The following TRAF3IP3 variants were observed in gnomAD, a reference collection of about 807,000 sequenced individuals.
TRAF3IP3 encodes TRAF3-interacting JNK-activating modulator.
TRAF3IP3 carries 64 observed loss-of-function variants against 86.5 expected under a neutral mutation model. That is an observed-to-expected ratio of 0.74 (90% CI 0.60 to 0.91). The LOEUF (loss-of-function observed/expected upper bound fraction) is 0.91, where lower values mean the gene tolerates loss of function less well. Among genes scored for constraint, TRAF3IP3 ranks in the 40% least tolerant of loss-of-function variants. The probability of loss-of-function intolerance (pLI) is 0.00; values close to 1 mark genes in which losing one functional copy is unlikely to be tolerated. For synonymous variants in TRAF3IP3, 220 were observed against 243.9 expected, an observed-to-expected ratio of 0.90 and a Z score of 0.91; for missense variants, 579 against 642.9, an observed-to-expected ratio of 0.90 and a Z score of 1.07.
chr1:209,771,687 G>GTGTGTGCAGGTGGAGGTGTA (rs1243212917), intron 8 of TRAF3IP3, among the ~76,000 whole-genome samples: 1 of 148,994 alleles, frequency 6.7e-6, no homozygotes, highest in Non-Finnish European at 1.5e-5. Flanking sequence ...GTGGAGGTAC[G>GTGTGTGCAGGTGGAGGTGTA]TGTGTGCAGG....
chr1:209,777,577 C>T (rs190640676), intron 12 of TRAF3IP3, 90 bp downstream of exon 12: 2 of 1,354,286 alleles, frequency 1.5e-6, no homozygotes, highest in Non-Finnish European at 2.0e-6. Flanking sequence ...AAGGCTTCAG[C>T]CTTTTATTTG....
At position 209,756,193 on chromosome 1, in the gene TRAF3IP3, A is replaced by T. The variant is rs777209956; in HGVS notation, c.-276A>T. On this transcript the variant is annotated 5_prime_UTR_variant, in exon 1 of 17. Coordinates refer to ENST00000367025, the MANE Select transcript of TRAF3IP3 (RefSeq NM_025228.4). Reference sequence around the variant, plus strand: ...GTGTTAATGGGGCCCAGACCTATGGATTGAAAGCGTGTGCTTTACCCATCT... The same window carrying T: ...GTGTTAATGGGGCCCAGACCTATGGTTTGAAAGCGTGTGCTTTACCCATCT... 9.2e-5 allele frequency: 14 copies of T among 152,278 alleles called. No individual in the cohort carries two copies. The highest frequency in any genetic ancestry group is 3.4e-4 in the African/African-American group (14 of 41,458). The allele number at this position is 152,278 out of a possible 1,614,324, so 9.4% of individuals were successfully genotyped here.
chr1:209,756,296 C>T lies in TRAF3IP3; in HGVS notation c.-173C>T, dbSNP rs374069558. 6.6e-6 allele frequency: 1 copy of T among 152,294 alleles called. No homozygotes were observed. The highest frequency in any genetic ancestry group is 2.4e-5 in the African/African-American group (1 of 41,448). 9.4% of individuals were successfully genotyped at this position (152,294 alleles called of 1,614,324 possible). The stretch of plus-strand genomic sequence containing the variant: ...CTTTCCCGAGTGGCTTGAGTTGGAG[C>T]CTGGGACTAGGAGGTAACTGAGAAG... On this transcript the variant is annotated 5_prime_UTR_variant, in exon 1 of 17. Coordinates refer to ENST00000367025, the MANE Select transcript of TRAF3IP3 (RefSeq NM_025228.4).
chr1:209,762,035 T>G (rs939048674), intron 3 of TRAF3IP3, among the ~76,000 whole-genome samples: 1 of 70,662 alleles, frequency 1.4e-5, no homozygotes, highest in Non-Finnish European at 2.4e-5. Context: ...TGGGCTACTT[T>G]GGTTTTGTGG....
intron 14 of TRAF3IP3, chr1:209,779,797 A>G (rs1431632298): frequency 2.3e-6 from 1 of 426,000 alleles, no homozygotes; most frequent in African/African-American, 2.0e-5. Context: ...CACTGTGTAT[A>G]CAGAGGGGCA....
At chr1:209,772,025 G>A (rs892534847) in intron 8 of TRAF3IP3, among the ~76,000 whole-genome samples, 14 of 151,718 alleles carry the variant, frequency 9.2e-5, no homozygotes, top group Non-Finnish European at 1.9e-4. Context: ...GGAAGTGTAC[G>A]TGTGCATGTG....
chr1:209,772,001 G>A (rs1051688214), intron 8 of TRAF3IP3, among the ~76,000 whole-genome samples: 3 of 148,670 alleles, frequency 2.0e-5, no homozygotes, highest in Non-Finnish European at 3.0e-5. Flanking sequence ...AGGTGGAAGT[G>A]TATGTGTGCA....
At chr1:209,777,508 C>A in intron 12 of TRAF3IP3, 21 bp downstream of exon 12, 2 of 1,585,068 alleles carry the variant, frequency 1.3e-6, no homozygotes, top group East Asian at 2.3e-5. Flanking sequence ...CCTTGGAGGC[C>A]TTGAGTGCAT....
At chr1:209,766,140 T>C (rs1042056820) in intron 8 of TRAF3IP3, among the ~76,000 whole-genome samples, 3 of 152,126 alleles carry the variant, frequency 2.0e-5, no homozygotes, top group African/African-American at 7.2e-5. Context: ...GAAGTTGCAG[T>C]GATGTAAAAA....
At chr1:209,765,227 GAGGAAGGAAGGAAGGAAGGAAGGAAGGA>G (rs60018350) in intron 8 of TRAF3IP3, among the ~76,000 whole-genome samples, 2 of 58,300 alleles carry the variant, frequency 3.4e-5, no homozygotes, top group Admixed American at 2.0e-4. Context: ...GAGAGAGAGA[GAGGAAGGAAGGAAGGAAGGAAGGAAGGA>G]AGGAAGGAAG....
chr1:209,771,664 GGTGT>G, intron 8 of TRAF3IP3, among the ~76,000 whole-genome samples: 1 of 140,484 alleles, frequency 7.1e-6, no homozygotes, highest in Non-Finnish European at 1.5e-5. Context: ...TGCATGTGAA[GGTGT>G]GTGTTCAGGT....
At chr1:209,775,776 G>A (rs1165305389) in intron 11 of TRAF3IP3, 40 bp downstream of exon 11, 1 of 1,558,622 alleles carries the variant, frequency 6.4e-7, no homozygotes, top group African/African-American at 1.4e-5. Flanking sequence ...ACAGGGTATG[G>A]GGAGGAGGGA....
chr1:209,781,851 G>C, intron 16 of TRAF3IP3: 1 of 574,062 alleles, frequency 1.7e-6, no homozygotes, highest in Non-Finnish European at 3.1e-6. Context: ...GTCCCTGATG[G>C]ATACGGCTCC....
intron 8 of TRAF3IP3, among the ~76,000 whole-genome samples, chr1:209,766,684 C>T (rs1324826772): frequency 1.3e-5 from 2 of 152,034 alleles, no homozygotes; most frequent in Non-Finnish European, 2.9e-5. Context: ...GCCAACATGG[C>T]GAAAACCCGT....
intron 13 of TRAF3IP3, chr1:209,778,749 G>A (rs780199172): frequency 4.5e-5 from 7 of 154,870 alleles, no homozygotes; most frequent in Non-Finnish European, 1.0e-4. Flanking sequence ...GCAACCACAG[G>A]GAAAAGGGAA....
At chr1:209,756,565 C>T (rs1044936725) in intron 1 of TRAF3IP3, among the ~76,000 whole-genome samples, 2 of 152,222 alleles carry the variant, frequency 1.3e-5, no homozygotes, top group Non-Finnish European at 2.9e-5. Context: ...AGTCAAACGA[C>T]TTAGAGTTCA....
intron 8 of TRAF3IP3, among the ~76,000 whole-genome samples, chr1:209,766,110 A>T (rs1292923123): frequency 6.6e-6 from 1 of 152,238 alleles, no homozygotes; most frequent in Non-Finnish European, 1.5e-5. Context: ...AGATGATGGG[A>T]GAGTATGGAA....
In TRAF3IP3 at chr1:209,765,178, GGAGAGAGAGA is replaced by G. The variant is rs375415223; in HGVS notation, c.702+1617_702+1626del. Among the ~76,000 whole-genome samples the G allele has an allele frequency of 2.0e-3, 177 of 87,870 alleles. 1 individual carries two copies. Among genetic ancestry groups the G allele is most frequent in the African/African-American group, 5.3e-3 (106 of 19,992 alleles). The allele number at this position is 87,870 out of a possible 152,430, so 57.6% of individuals were successfully genotyped here. A position where few individuals can be genotyped will look rare whatever the true frequency, so the allele number is the denominator to read the frequency against. ...TGACAGAGCAGGACTCTGAGAGACA[GGAGAGAGAGA>G]GAGAGAGAGAGAGAGAGAGAGAGAG... On this transcript the variant is annotated intron_variant, in intron 8 of 16. Transcript: ENST00000367025.
chr1:209,775,424 A>G lies in TRAF3IP3; in HGVS notation c.850A>G (p.Lys284Glu), dbSNP rs1436100468. Residue 284 changes from lysine (K) to glutamate (E), a missense_variant, in exon 10 of 17, where the codon AAG becomes GAG. Coordinates refer to ENST00000367025, the MANE Select transcript of TRAF3IP3 (RefSeq NM_025228.4). ...DQKNSYEQKA[K>E]ESLQKVLEEK... ...GAAAAACAGCTATGAGCAGAAGGCC[A>G]AGGAGTCACTGCAGAAAGTGCTGGA... is the stretch of plus-strand genomic sequence containing the variant. 6 of 1,614,150 alleles carry G rather than the reference A, an allele frequency of 3.7e-6. No individual in the cohort carries two copies. The highest frequency in any genetic ancestry group is 2.7e-5 in the African/African-American group (2 of 74,952).
Sources: gnomAD v4.1 joint callset for allele counts (sites outside exome capture counted in the v4.1 genomes callset) on GRCh38, gnomAD v4.1.1 for gene constraint, MANE v1.5 for transcripts, NCBI Gene and HGNC (gene_info 2026-07-23, HGNC 2026-07-21) for gene names.